MEMO1: variants seen among roughly 807,000 people sequenced by gnomAD.
MEMO1 encodes the protein protein MEMO1.
Under a neutral mutation model 45.2 loss-of-function variants are expected in MEMO1, and 6 were observed. That is an observed-to-expected ratio of 0.13 (90% CI 0.07 to 0.26). MEMO1 has a LOEUF of 0.26. Among genes scored for constraint, MEMO1 ranks in the 10% least tolerant of loss-of-function variants. MEMO1 has a pLI of 1.00. For synonymous variants in MEMO1, 78 were observed against 124.3 expected (o/e 0.63, Z 2.48); for missense variants, 184 against 370.5 (o/e 0.50, Z 4.13).
At chr2:31,982,997 G>A (rs559914829) in intron 2 of MEMO1, among the ~76,000 whole-genome samples, 180 of 152,158 alleles carry the variant, frequency 1.2e-3, no homozygotes, top group Non-Finnish European at 1.9e-3. Context: ...CCAGCACTTT[G>A]GGAGGCCGAG....
At chr2:31,965,523 T>A (rs1223791175) in intron 2 of MEMO1, among the ~76,000 whole-genome samples, 1 of 152,080 alleles carries the variant, frequency 6.6e-6, no homozygotes, top group Non-Finnish European at 1.5e-5. Context: ...AAGAATATTA[T>A]AAATGAGAAC....
At chr2:31,879,233 C>A (rs1675003396) in intron 8 of MEMO1, among the ~76,000 whole-genome samples, 1 of 152,158 alleles carries the variant, frequency 6.6e-6, no homozygotes, top group Non-Finnish European at 1.5e-5. Context: ...CTTAATTCAC[C>A]TCTGTGCAGC....
chr2:31,881,336 CA>C (rs998467466), intron 8 of MEMO1, among the ~76,000 whole-genome samples: 3 of 148,900 alleles, frequency 2.0e-5, no homozygotes, highest in South Asian at 4.2e-4. Flanking sequence ...CAAAAAACTA[CA>C]AAAAAAAATT....
chr2:31,907,918 T>A (rs1428934747), intron 6 of MEMO1, among the ~76,000 whole-genome samples: 1 of 152,168 alleles, frequency 6.6e-6, no homozygotes, highest in African/African-American at 2.4e-5. Flanking sequence ...TACTCCCACA[T>A]ATAAAATGCA....
intron 2 of MEMO1, among the ~76,000 whole-genome samples, chr2:32,006,626 A>C (rs1203788645): frequency 6.7e-6 from 1 of 150,312 alleles, no homozygotes; most frequent in African/African-American, 2.4e-5. Context: ...CTACATTTGC[A>C]GTATGGGCCA....
chr2:31,886,977 T>A (rs865838900), intron 7 of MEMO1, among the ~76,000 whole-genome samples: 1 of 152,042 alleles, frequency 6.6e-6, no homozygotes, highest in African/African-American at 2.4e-5. Context: ...CTTTTCAAAT[T>A]CAAAAGATGA....
intron 2 of MEMO1, among the ~76,000 whole-genome samples, chr2:31,999,314 T>C (rs1672982173): frequency 6.6e-6 from 1 of 152,086 alleles, no homozygotes; most frequent in South Asian, 2.1e-4. Context: ...TAAATCTACA[T>C]TAGATCATGC....
chr2:31,947,431 T>C (rs1231462955), intron 2 of MEMO1, among the ~76,000 whole-genome samples: 1 of 152,214 alleles, frequency 6.6e-6, no homozygotes, highest in African/African-American at 2.4e-5. Flanking sequence ...ATCTGAGTTC[T>C]TTCACAGAGA....
intron 2 of MEMO1, among the ~76,000 whole-genome samples, chr2:31,976,467 A>G (rs1007677804): frequency 6.6e-5 from 10 of 152,004 alleles, no homozygotes; most frequent in South Asian, 4.2e-4. Context: ...AATCCCAGCT[A>G]CTCAGGAGGC....
intron 6 of MEMO1, among the ~76,000 whole-genome samples, chr2:31,893,646 G>GGTAA (rs1677279401): frequency 6.6e-6 from 1 of 152,068 alleles, no homozygotes; most frequent in Non-Finnish European, 1.5e-5. Flanking sequence ...TCAGAGCATA[G>GGTAA]GTAAGTTCCC....
chr2:31,913,245 T>C (rs921436222), intron 6 of MEMO1, among the ~76,000 whole-genome samples: 2 of 95,914 alleles, frequency 2.1e-5, no homozygotes, highest in South Asian at 3.1e-4. Context: ...CGAGACTCCG[T>C]CTCAAAAAAA....
rs180721131 is a variant in MEMO1, at chr2:31,898,764, C to T, written c.438-6630G>A. ...AGAGCTGAGTTCAAGTCCTGAATAT[C>T]CTTGTTAATTTTCTGTCTCACTGAT... On this transcript the variant is annotated intron_variant, in intron 6 of 9. Transcript: ENST00000404530. Among the ~76,000 whole-genome samples, 271 of 152,190 alleles carry T rather than the reference C, an allele frequency of 1.8e-3. 1 individual carries two copies. The highest frequency in any genetic ancestry group is 5.9e-3 in the African/African-American group (246 of 41,516).
chr2:31,879,962 T>C (rs554068909), intron 8 of MEMO1, among the ~76,000 whole-genome samples: 83 of 152,216 alleles, frequency 5.5e-4, no homozygotes, highest in Admixed American at 1.0e-3. Context: ...TCATCCCACA[T>C]CCCACCACTC....
intron 2 of MEMO1, among the ~76,000 whole-genome samples, chr2:31,961,609 A>T (rs547885291): frequency 1.7e-4 from 24 of 145,372 alleles, no homozygotes; most frequent in African/African-American, 3.6e-4. Context: ...TAAAAAATTT[A>T]AAAAAAAACA....
At position 31,923,716 on chromosome 2, in the gene MEMO1, C is replaced by G. The variant is rs1192658401; in HGVS notation, c.213-2806G>C. On this transcript the variant is annotated intron_variant, in intron 4 of 9. Transcript: ENST00000404530. ...GACAGAGAGAAAGGATATTTAACAT[C>G]AGAGCACTCCTGGAAAATCTGAAAC... is the stretch of plus-strand genomic sequence containing the variant. 6 of 1,544,982 alleles carry G rather than the reference C, an allele frequency of 3.9e-6. No homozygotes were observed. In the East Asian group the frequency reaches 1.5e-4, roughly 38 times the overall value.
At chr2:31,944,491 C>A (rs1665971834) in intron 2 of MEMO1, among the ~76,000 whole-genome samples, 2 of 152,184 alleles carry the variant, frequency 1.3e-5, no homozygotes, top group African/African-American at 2.4e-5. Flanking sequence ...GTTGGTCACC[C>A]TAAATTGAGA....
chr2:31,913,248 C>CAAAAAAAAAAAAAAAAA (rs3065389), intron 6 of MEMO1, among the ~76,000 whole-genome samples: 1 of 44,424 alleles, frequency 2.3e-5, no homozygotes, highest in Non-Finnish European at 4.8e-5. Flanking sequence ...GACTCCGTCT[C>CAAAAAAAAAAAAAAAAA]AAAAAAAAAA....
In MEMO1 at chr2:31,868,510, T is replaced by C. The variant is rs1673192860; in HGVS notation, c.763-18A>G. The C allele has an allele frequency of 6.3e-7, 1 of 1,588,310 alleles. No homozygotes were observed. The highest frequency in any genetic ancestry group is 8.6e-7 in the Non-Finnish European group (1 of 1,168,256). On this transcript the variant is annotated intron_variant, in intron 9 of 9. Coordinates refer to ENST00000404530, the MANE Select transcript of MEMO1 (RefSeq NM_001301833.4). ...GTGATAGCCTAGAAAAAAGAAAAAT[T>C]TGGTTAGGACACACATCACATAAAA... is the stretch of plus-strand genomic sequence containing the variant.
At chr2:31,868,767 C>G (rs1296382678) in intron 9 of MEMO1, among the ~76,000 whole-genome samples, 2 of 152,084 alleles carry the variant, frequency 1.3e-5, no homozygotes, top group Non-Finnish European at 2.9e-5. Flanking sequence ...TTTTTAAACC[C>G]TTTTTAACTT....
Sources: allele counts gnomAD v4.1 joint callset (sites outside exome capture counted in the v4.1 genomes callset), GRCh38; gene constraint gnomAD v4.1.1; transcripts MANE v1.5; gene names NCBI Gene and HGNC (gene_info 2026-07-23, HGNC 2026-07-21).